Variants in TMEM135 observed in about 807,000 individuals in gnomAD.
The protein encoded by TMEM135 is peroxisomal membrane protein 52.
TMEM135 carries 30 observed loss-of-function variants against 60.3 expected under a neutral mutation model. The ratio of observed to expected loss-of-function variants is 0.50; its 90% CI spans 0.37 to 0.68. The LOEUF is 0.68. Ranked by LOEUF, TMEM135 falls within the 30% of genes least tolerant of loss-of-function variation. The probability of loss-of-function intolerance (pLI) is 0.00; values close to 1 mark genes in which losing one functional copy is unlikely to be tolerated. For synonymous variants in TMEM135, 190 were observed against 186.7 expected, an observed-to-expected ratio of 1.02 and a Z score of -0.14; for missense variants, 468 against 548.8, an observed-to-expected ratio of 0.85 and a Z score of 1.47.
At chr11:87,247,762 C>A (rs1033075058) in intron 6 of TMEM135, among the ~76,000 whole-genome samples, 32 of 152,134 alleles carry the variant, frequency 2.1e-4, no homozygotes, top group Non-Finnish European at 5.9e-5. Flanking sequence ...GTCTGTCACC[C>A]CTTTCTTTGA....
intron 6 of TMEM135, among the ~76,000 whole-genome samples, chr11:87,249,877 G>A (rs1461679570): frequency 2.6e-5 from 4 of 152,056 alleles, no homozygotes; most frequent in African/African-American, 9.7e-5. Flanking sequence ...AATAGTTTGA[G>A]TAGGATTGGT....
At chr11:87,262,485 T>C (rs79107002) in intron 6 of TMEM135, among the ~76,000 whole-genome samples, 2,459 of 152,320 alleles carry the variant, frequency 0.016, 77 homozygotes, top group African/African-American at 0.056. Context: ...GGAACACCTT[T>C]TCATTGGTTT....
rs11332885 is a variant in TMEM135, at chr11:87,326,911, C to CTTTTTT, written c.*5592_*5597dup. 36 of 392,440 alleles carry CTTTTTT rather than the reference C, an allele frequency of 9.2e-5. No individual in the cohort carries two copies. The highest frequency in any genetic ancestry group is 1.7e-4 in the African/African-American group (7 of 41,050). 24.3% of individuals were successfully genotyped at this position (392,440 alleles called of 1,614,324 possible). ...AGGCATCATTGAATCATCTGAGGAC[C>CTTTTTT]TTTTTTTTTTTTTTTTTTTCACTAA... On this transcript the variant is annotated 3_prime_UTR_variant, in exon 15 of 15. Coordinates refer to ENST00000305494, the MANE Select transcript of TMEM135 (RefSeq NM_022918.4).
intron 6 of TMEM135, among the ~76,000 whole-genome samples, chr11:87,263,438 G>A (rs1389824051): frequency 6.6e-6 from 1 of 151,822 alleles, no homozygotes; most frequent in South Asian, 2.1e-4. Flanking sequence ...TACCATTTTT[G>A]CTTTGGCTCA....
chr11:87,089,070 G>T (rs1322032654), intron 3 of TMEM135, among the ~76,000 whole-genome samples: 1 of 152,088 alleles, frequency 6.6e-6, no homozygotes, highest in African/African-American at 2.4e-5. Context: ...CAAGTATAAG[G>T]TGTATATGAA....
intron 7 of TMEM135, among the ~76,000 whole-genome samples, chr11:87,296,161 C>G (rs1224359249): frequency 6.6e-6 from 1 of 152,082 alleles, no homozygotes; most frequent in African/African-American, 2.4e-5. Flanking sequence ...TTGTGTGGTA[C>G]TAGATTATGG....
intron 6 of TMEM135, among the ~76,000 whole-genome samples, chr11:87,276,788 C>G (rs1018407598): frequency 2.0e-5 from 3 of 150,740 alleles, no homozygotes; most frequent in African/African-American, 7.3e-5. Context: ...CCTGCCTCAG[C>G]CTCCCAAGTA....
chr11:87,119,726 AGATGACT>A (rs1321903913), intron 4 of TMEM135, among the ~76,000 whole-genome samples: 21 of 152,246 alleles, frequency 1.4e-4, no homozygotes, highest in African/African-American at 5.1e-4. Flanking sequence ...AAAACATTAA[AGATGACT>A]GATCACATAA....
chr11:87,224,063 A>G (rs1186938891), intron 5 of TMEM135, among the ~76,000 whole-genome samples: 1 of 152,206 alleles, frequency 6.6e-6, no homozygotes, highest in Non-Finnish European at 1.5e-5. Flanking sequence ...GAACTGGTAG[A>G]TGGCTTGAGG....
chr11:87,045,373 C>G (rs1435942709), intron 1 of TMEM135, among the ~76,000 whole-genome samples: 1 of 152,096 alleles, frequency 6.6e-6, no homozygotes, highest in Non-Finnish European at 1.5e-5. Flanking sequence ...TTTGGCTGCT[C>G]TCTGTTGAGT....
At chr11:87,091,947 A>G (rs1443001565) in intron 4 of TMEM135, among the ~76,000 whole-genome samples, 1 of 152,108 alleles carries the variant, frequency 6.6e-6, no homozygotes, top group Non-Finnish European at 1.5e-5. Context: ...GTTTATGTAA[A>G]TTTTATTGCC....
chr11:87,247,355 G>C, intron 6 of TMEM135, among the ~76,000 whole-genome samples: 1 of 152,216 alleles, frequency 6.6e-6, no homozygotes, highest in South Asian at 2.1e-4. Context: ...CTCCAGCTGT[G>C]TGCTGGGAGA....
chr11:87,106,698 A>G (rs57211198), intron 4 of TMEM135, among the ~76,000 whole-genome samples: 1 of 152,102 alleles, frequency 6.6e-6, no homozygotes, highest in African/African-American at 2.4e-5. Context: ...TTGATGGGAA[A>G]CTTTTTGTTA....
intron 4 of TMEM135, chr11:87,095,975 C>CAA (rs34559693): frequency 4.4e-4 from 58 of 130,738 alleles, no homozygotes; most frequent in East Asian, 8.7e-4. Flanking sequence ...GACTCCATCT[C>CAA]AAAAAAAAAA....
At chr11:87,273,529 C>T (rs1941910560) in intron 6 of TMEM135, among the ~76,000 whole-genome samples, 1 of 151,928 alleles carries the variant, frequency 6.6e-6, no homozygotes, top group Admixed American at 6.6e-5. Context: ...TATTGTATTG[C>T]TCACAAAATG....
At chr11:87,292,137 C>T (rs1942276745) in intron 6 of TMEM135, among the ~76,000 whole-genome samples, 1 of 152,138 alleles carries the variant, frequency 6.6e-6, no homozygotes, top group Admixed American at 6.5e-5. Context: ...GATCAGATTA[C>T]CAAATTTTAC....
At chr11:87,195,385 C>CTCTCTCT (rs1386243376) in intron 5 of TMEM135, among the ~76,000 whole-genome samples, 4 of 91,462 alleles carry the variant, frequency 4.4e-5, no homozygotes, top group African/African-American at 1.6e-4. Context: ...TTCCTTCCTT[C>CTCTCTCT]CTTCCTTCTC....
chr11:87,171,593 T>G (rs975865881), intron 5 of TMEM135, among the ~76,000 whole-genome samples: 1 of 152,168 alleles, frequency 6.6e-6, no homozygotes, highest in South Asian at 2.1e-4. Flanking sequence ...GCTGAGACCT[T>G]GGACAGTTTA....
chr11:87,153,965 T>TTAATTGTGG (rs931902107), intron 4 of TMEM135, among the ~76,000 whole-genome samples: 1 of 152,216 alleles, frequency 6.6e-6, no homozygotes, highest in African/African-American at 2.4e-5. Context: ...ACTATTTTTT[T>TTAATTGTGG]TAATTGTGGT....
Sources: allele counts gnomAD v4.1 joint callset (sites outside exome capture counted in the v4.1 genomes callset), GRCh38; gene constraint gnomAD v4.1.1; transcripts MANE v1.5; gene names NCBI Gene and HGNC (gene_info 2026-07-23, HGNC 2026-07-21).